The following MBNL3 variants were observed in gnomAD, a reference collection of about 807,000 sequenced individuals.
MBNL3 encodes the protein muscleblind-like protein 3.
A neutral mutation model predicts 24.5 loss-of-function variants in MBNL3; 6 were observed. The ratio of observed to expected loss-of-function variants is 0.25; its 90% CI spans 0.13 to 0.48. The LOEUF (loss-of-function observed/expected upper bound fraction) is 0.48. Ranked by LOEUF, MBNL3 falls within the 20% of genes least tolerant of loss-of-function variation. The pLI is 0.99. For synonymous variants in MBNL3, 100 were observed against 101.7 expected (o/e 0.98, Z 0.10); for missense variants, 230 against 293.5 (o/e 0.78, Z 1.58).
intron 1 of MBNL3, among the ~76,000 whole-genome samples, chrX:132,448,653 G>C: frequency 9.0e-6 from 1 of 111,111 alleles, no homozygotes; most frequent in Non-Finnish European, 1.9e-5. Flanking sequence ...GTTCTGCTCT[G>C]ATCTTAGTTA....
intron 2 of MBNL3, chrX:132,432,907 C>A (rs1944855485): frequency 9.0e-6 from 1 of 111,211 alleles, no homozygotes; most frequent in Admixed American, 9.5e-5. Context: ...AGAAAAGCTT[C>A]TTTGACATTT....
intron 3 of MBNL3, among the ~76,000 whole-genome samples, chrX:132,394,228 C>G (rs1031668185): frequency 5.4e-5 from 6 of 111,459 alleles, no homozygotes; most frequent in Admixed American, 1.9e-4. Flanking sequence ...AAGGGCTGAC[C>G]CAGTCTAACT....
intron 2 of MBNL3, 81 bp from the exon 3 acceptor site, chrX:132,406,473 A>G: frequency 1.1e-6 from 1 of 905,004 alleles, no homozygotes; most frequent in Non-Finnish European, 1.5e-6. Flanking sequence ...TCTGGGGACA[A>G]TCTAAGCTCC....
At chrX:132,386,068 A>G (rs1228280642) in intron 6 of MBNL3, among the ~76,000 whole-genome samples, 1 of 111,733 alleles carries the variant, frequency 8.9e-6, no homozygotes, top group Non-Finnish European at 1.9e-5. Context: ...TTTCTGTTCA[A>G]TTTCATGTAA....
intron 5 of MBNL3, among the ~76,000 whole-genome samples, chrX:132,387,280 A>C (rs1471814249): frequency 9.4e-6 from 1 of 106,946 alleles, no homozygotes; most frequent in Non-Finnish European, 1.9e-5. Context: ...TCAAGAAAAA[A>C]AAAAAAAAAA....
At chrX:132,402,311 T>C (rs1315072808) in intron 3 of MBNL3, among the ~76,000 whole-genome samples, 1 of 112,320 alleles carries the variant, frequency 8.9e-6, no homozygotes, top group Non-Finnish European at 1.9e-5. Flanking sequence ...GGTGTAGATA[T>C]GCAAAATGTC....
intron 1 of MBNL3, among the ~76,000 whole-genome samples, chrX:132,458,058 G>A (rs1187546551): frequency 9.0e-6 from 1 of 110,756 alleles, no homozygotes; most frequent in Non-Finnish European, 1.9e-5. Flanking sequence ...TAGGGTAGAT[G>A]GCTTATATCC....
chrX:132,472,907 T>C (rs5977706), intron 1 of MBNL3, among the ~76,000 whole-genome samples: 1,279 of 111,834 alleles, frequency 0.011, 25 homozygotes, highest in African/African-American at 0.039. Context: ...ATCATAATAT[T>C]AAACCAGAGT....
At chrX:132,382,529 T>G (rs1438993939) in intron 7 of MBNL3, among the ~76,000 whole-genome samples, 1 of 112,027 alleles carries the variant, frequency 8.9e-6, no homozygotes, top group Non-Finnish European at 1.9e-5. Context: ...TCTCAACATT[T>G]AGTAAGTTTT....
In MBNL3 at chrX:132,371,943, A is replaced by C. The variant is rs1714276528; in HGVS notation, c.*7723T>G. 1 of 111,370 alleles carries C rather than the reference A, an allele frequency of 9.0e-6. No homozygotes were observed. Among genetic ancestry groups the C allele is most frequent in the Non-Finnish European group, 1.9e-5 (1 of 52,961 alleles). 9.2% of individuals were successfully genotyped at this position (111,370 alleles called of 1,213,427 possible). A position where few individuals can be genotyped will look rare whatever the true frequency, so the allele number is the denominator to read the frequency against. ...ATTAGGATTAATATACTAGAGCATG[A>C]ATAGCCTTCAAGTGAACTCCTAATG... is the stretch of plus-strand genomic sequence containing the variant. On this transcript the variant is annotated 3_prime_UTR_variant, in exon 9 of 9. Transcript: ENST00000370853.
At chrX:132,410,186 G>C (rs989514586) in intron 2 of MBNL3, among the ~76,000 whole-genome samples, 2 of 111,802 alleles carry the variant, frequency 1.8e-5, no homozygotes. Context: ...CTACCTTCAG[G>C]CTTCTCCCAA....
chrX:132,452,862 CAATT>C (rs1285581900), intron 1 of MBNL3, among the ~76,000 whole-genome samples: 1 of 111,901 alleles, frequency 8.9e-6, no homozygotes, highest in Non-Finnish European at 1.9e-5. Context: ...ACAATGCAGA[CAATT>C]AAGAACAAAA....
upstream of MBNL3, among the ~76,000 whole-genome samples, chrX:132,489,477 C>G (rs755603692): frequency 5.4e-5 from 6 of 111,454 alleles, no homozygotes; most frequent in South Asian, 2.2e-3. Context: ...CATAGCAACC[C>G]CGGTCCCAAC....
At chrX:132,461,451 T>C (rs1946625572) in intron 1 of MBNL3, among the ~76,000 whole-genome samples, 1 of 111,245 alleles carries the variant, frequency 9.0e-6, no homozygotes. Context: ...AGAGAGGAAG[T>C]GCATTTCTAA....
chrX:132,381,405 T>G (rs1934918264), intron 8 of MBNL3: 1 of 1,173,890 alleles, frequency 8.5e-7, no homozygotes, highest in Admixed American at 2.3e-5. Flanking sequence ...ATGCTGCTAT[T>G]CAGTTCATCT....
intron 2 of MBNL3, among the ~76,000 whole-genome samples, chrX:132,412,121 A>G (rs1942821521): frequency 9.0e-6 from 1 of 110,870 alleles, no homozygotes; most frequent in South Asian, 3.9e-4. Context: ...CCTGAGGAAT[A>G]TGTGACCATT....
At chrX:132,400,364 T>C (rs954214545) in intron 3 of MBNL3, among the ~76,000 whole-genome samples, 3 of 111,696 alleles carry the variant, frequency 2.7e-5, no homozygotes, top group African/African-American at 9.8e-5. Flanking sequence ...GCAAAGGGAC[T>C]GCTAGGGGAT....
chrX:132,489,671 C>A (rs1317632811), upstream of MBNL3: 1 of 100,643 alleles, frequency 9.9e-6, no homozygotes, highest in African/African-American at 3.6e-5. Flanking sequence ...GGGCTTTAGG[C>A]GCCAAAACGG....
intron 2 of MBNL3, among the ~76,000 whole-genome samples, chrX:132,433,088 C>T (rs1292709414): frequency 8.9e-6 from 1 of 111,800 alleles, no homozygotes; most frequent in Non-Finnish European, 1.9e-5. Flanking sequence ...CAAGGACTCT[C>T]TCTCTCTAGC....
Sources: gnomAD v4.1 joint callset for allele counts (sites outside exome capture counted in the v4.1 genomes callset) on GRCh38, gnomAD v4.1.1 for gene constraint, MANE v1.5 for transcripts, NCBI Gene and HGNC (gene_info 2026-07-23, HGNC 2026-07-21) for gene names.